Variants in SBSN observed in about 807,000 individuals in gnomAD.
SBSN encodes suprabasin.
Under a neutral mutation model 42.8 loss-of-function variants are expected in SBSN, and 33 were observed. The ratio of observed to expected loss-of-function variants is 0.77; its 90% CI spans 0.58 to 1.03. SBSN has a LOEUF of 1.03. SBSN is among the 50% of genes least tolerant of loss of function. The pLI, the probability that SBSN is intolerant of heterozygous loss-of-function variation, is 0.00. For synonymous variants in SBSN, 276 were observed against 307.0 expected, an observed-to-expected ratio of 0.90 and a Z score of 1.06; for missense variants, 646 against 757.3, an observed-to-expected ratio of 0.85 and a Z score of 1.72.
At chr19:35,523,819 C>T (rs1475559975) in intron 3 of SBSN, among the ~76,000 whole-genome samples, 1 of 152,196 alleles carries the variant, frequency 6.6e-6, no homozygotes, top group Non-Finnish European at 1.5e-5. Flanking sequence ...CAAGGGTGGG[C>T]CTTCCTCCTC....
intron 1 of SBSN, 60 bp from the exon 2 acceptor site, chr19:35,524,984 CT>C: frequency 6.3e-7 from 1 of 1,578,028 alleles, no homozygotes; most frequent in Non-Finnish European, 8.7e-7. Context: ...CTCCCAGTTC[CT>C]TTTCCCCAGG....
rs1442972816 is a variant in SBSN, at chr19:35,524,923, C to T, written c.1640G>A (p.Gly547Asp). 1.2e-6 allele frequency: 2 copies of T among 1,613,886 alleles called. No individual in the cohort carries two copies. Among genetic ancestry groups the T allele is most frequent in the African/African-American group, 1.3e-5 (1 of 74,996 alleles). ...ASKEANQLLN[G>D]NHQSGSSSHQ... ...GCTGGAAGATCCGCTTTGATGGTTG[C>T]CCTGTGGACAAAGCCCAGACTCTTG... The change falls in exon 2 of 4, where the codon GGC (glycine) becomes GAC (aspartate). Residue 547 changes from glycine (G) to aspartate (D), a missense_variant and splice_region_variant. Coordinates refer to ENST00000452271, the MANE Select transcript of SBSN (RefSeq NM_001166034.2).
rs565306654 is a variant in SBSN, at chr19:35,527,088, C to T, written c.1194G>A (p.Gly398=). ...QGVHHAASQV[G]KEEDRVVQGL... ...CTTGGACCACTCTGTCTTCCTCCTT[C>T]CCCACCTGCGAGGCAGCATGGTGGA... is the stretch of plus-strand genomic sequence containing the variant. Residue 398 remains glycine (G), a synonymous_variant, in exon 1 of 4, where the codon GGG becomes GGA. Transcript: ENST00000452271. 8.5e-6 allele frequency: 13 copies of T among 1,537,614 alleles called. No individual in the cohort carries two copies. The South Asian group carries it at 1.1e-4, about 13-fold the overall frequency.
At chr19:35,524,616 G>A (rs535154259) in intron 3 of SBSN, 95 bp downstream of exon 3, 37 of 1,372,360 alleles carry the variant, frequency 2.7e-5, no homozygotes, top group Admixed American at 9.0e-5. Flanking sequence ...AGGTCTGCCC[G>A]CCCGGGGAGC....
rs2071399987 is a variant in SBSN at position 35,527,841 on chromosome 19, A to T, written c.441T>A (p.Ser147Arg). ...GVHHGANQAG[S>R]EAGKFGQGVD... ...CTCCCTGGCCAAACTTCCCTGCCTC[A>T]CTTCCCGCCTGGTTGGCCCCGTGAT... The change falls in exon 1 of 4, where the codon AGT (serine) becomes AGA (arginine). Residue 147 changes from serine (S) to arginine (R), a missense_variant. Around this residue, in one of 3 missense-constraint regions of SBSN, gnomAD observed 190 missense variants for 197.1 expected, o/e 0.96. Transcript: ENST00000452271. The T allele has an allele frequency of 6.2e-7, 1 of 1,612,880 alleles. No individual in the cohort carries two copies. The highest frequency in any genetic ancestry group is 1.7e-5 in the Admixed American group (1 of 59,936).
At position 35,523,476 on chromosome 19, in the gene SBSN, C is replaced by T. The variant is rs1486027110; in HGVS notation, c.*34G>A. ...GTCATGTCAGCTGATGTGACAACGG[C>T]GACATTATTCTCCCAGCAAGGCCGG... On this transcript the variant is annotated 3_prime_UTR_variant, in exon 4 of 4. Coordinates refer to ENST00000452271, the MANE Select transcript of SBSN (RefSeq NM_001166034.2). 31 of 1,612,416 alleles carry T rather than the reference C, an allele frequency of 1.9e-5. No homozygotes were observed. The highest frequency in any genetic ancestry group is 2.5e-5 in the Non-Finnish European group (29 of 1,178,754).
chr19:35,527,696 CAGCA>C lies in SBSN; in HGVS notation c.582_585del (p.His194GlnfsTer245). On this transcript the variant is annotated frameshift_variant, in exon 1 of 4. Transcript: ENST00000452271. LOFTEE classifies it high-confidence loss of function. ...CCAGCCTCATTTCCGGCCTGCCCTG[CAGCA>C]TGGTGGACTCCCTGGCCAAACCTCC... is the stretch of plus-strand genomic sequence containing the variant. 6.6e-7 allele frequency: 1 copy of C among 1,516,442 alleles called. No homozygotes were observed. The highest frequency in any genetic ancestry group is 2.1e-5 in the Admixed American group (1 of 48,170). 93.9% of individuals were successfully genotyped at this position (1,516,442 alleles called of 1,614,324 possible). A position where few individuals can be genotyped will look rare whatever the true frequency, so the allele number is the denominator to read the frequency against.
chr19:35,526,328 C>G (rs938129757), intron 1 of SBSN, among the ~76,000 whole-genome samples: 3 of 152,142 alleles, frequency 2.0e-5, no homozygotes, highest in African/African-American at 7.2e-5. Context: ...TTCCCATTCC[C>G]CAGGAAGGGC....
Position 35,527,168 on chromosome 19 carries a change from C to A in SBSN, c.1114G>T (p.Val372Phe), listed in dbSNP as rs1242559384. 6.5e-7 allele frequency: 1 copy of A among 1,536,028 alleles called. No individual in the cohort carries two copies. Among genetic ancestry groups the A allele is most frequent in the South Asian group, 1.2e-5 (1 of 83,904 alleles). Residue 372 changes from valine to phenylalanine, a missense_variant, in exon 1 of 4, where the codon GTC becomes TTC. Physicochemically the swap from Val to Phe is conservative, Grantham distance 50. This residue lies in a region of SBSN where 220 missense variants were observed against 334.5 expected (regional missense o/e 0.66). Transcript: ENST00000452271. ...CAGGCCTCATTAACCCCATGGTGGA[C>A]CCCATGGCCGAGCTTCTCTGTTTCC... ...GKETEKLGHG[V>F]HHGVNEAWKE... is the part of the protein sequence containing the mutation.
At chr19:35,524,999 C>T (rs2146280353) in intron 1 of SBSN, 75 bp from the exon 2 acceptor site, 5 of 1,509,304 alleles carry the variant, frequency 3.3e-6, no homozygotes, top group East Asian at 2.4e-5. Flanking sequence ...CCCCAGGGAC[C>T]TGGTCCCCTC....
chr19:35,527,367 C>T lies in SBSN; in HGVS notation c.915G>A (p.Gly305=). 1 of 1,537,226 alleles carries T rather than the reference C, an allele frequency of 6.5e-7. No individual in the cohort carries two copies. The highest frequency in any genetic ancestry group is 8.7e-7 in the Non-Finnish European group (1 of 1,152,904). The change falls in exon 1 of 4, where the codon GGG becomes GGA. Residue 305 remains glycine (G), a synonymous_variant. Coordinates refer to ENST00000452271, the MANE Select transcript of SBSN (RefSeq NM_001166034.2). Reference sequence around the variant, plus strand: ...ATCTCCCTGCCTCATTTCCGGCCTGCCCCGCAGCATGGTGGGCCCCCTGGC... The same window carrying T: ...ATCTCCCTGCCTCATTTCCGGCCTGTCCCGCAGCATGGTGGGCCCCCTGGC... ...KFGQGAHHAA[G]QAGNEAGRFG...
At position 35,528,090 on chromosome 19, in the gene SBSN, T is replaced by C. The variant is rs2071404238; in HGVS notation, c.192A>G (p.Glu64=). Reference sequence around the variant, plus strand: ...TAAGTCCGTTGAAAACCTTCTCCACTTCCCTTCCGGCATGCGTGATTCCAC... The same window carrying C: ...TAAGTCCGTTGAAAACCTTCTCCACCTCCCTTCCGGCATGCGTGATTCCAC... ...INSGITHAGR[E]VEKVFNGLSN... Residue 64 remains glutamate, a synonymous_variant, in exon 1 of 4, where the codon GAA becomes GAG. Coordinates refer to ENST00000452271, the MANE Select transcript of SBSN (RefSeq NM_001166034.2). The C allele has an allele frequency of 1.2e-6, 2 of 1,613,890 alleles. No individual in the cohort carries two copies. The highest frequency in any genetic ancestry group is 2.2e-5 in the South Asian group (2 of 91,090).
chr19:35,523,587 A>ACC (rs1297163218), intron 3 of SBSN, 54 bp from the exon 4 acceptor site: 96 of 1,585,974 alleles, frequency 6.1e-5, no homozygotes, highest in Non-Finnish European at 7.7e-5. Flanking sequence ...TCATGACGGG[A>ACC]CCCGAGACCT....
chr19:35,524,616 G>GC (rs1222692737), intron 3 of SBSN, 95 bp downstream of exon 3: 19 of 1,372,244 alleles, frequency 1.4e-5, no homozygotes, highest in South Asian at 8.6e-5. Context: ...AGGTCTGCCC[G>GC]CCCGGGGAGC....
Position 35,527,022 on chromosome 19 carries a change from C to T in SBSN, c.1260G>A (p.Gly420=), listed in dbSNP as rs554628241. Residue 420 remains glycine, a synonymous_variant, in exon 1 of 4, where the codon GGG becomes GGA. Transcript: ENST00000452271. ...TGTGGTGAATGTCGTGGCCAAACTGCCCCGCCTCCCTTCCAGCCTGACTAA... is the reference window on the plus strand; with the variant it reads ...TGTGGTGAATGTCGTGGCCAAACTGTCCCGCCTCCCTTCCAGCCTGACTAA... ...HGVSQAGREA[G]QFGHDIHHTA... 5 of 1,543,304 alleles carry T rather than the reference C, an allele frequency of 3.2e-6. No homozygotes were observed. The South Asian group carries it at 5.9e-5, about 18-fold the overall frequency.
Position 35,528,127 on chromosome 19 carries a change from T to A in SBSN, c.155A>T (p.Asp52Val). Residue 52 changes from aspartate to valine, a missense_variant, in exon 1 of 4, where the codon GAT (aspartate) becomes GTT (valine). This residue lies in a region of SBSN where 190 missense variants were observed against 197.1 expected (regional missense o/e 0.96). Coordinates refer to ENST00000452271, the MANE Select transcript of SBSN (RefSeq NM_001166034.2). ...ATGCGTGATTCCACTGTTGATGCCA[T>A]CCAGGGCCTTGCCCACCTCTCTCTC... ...NAEREVGKAL[D>V]GINSGITHAG... The A allele has an allele frequency of 1.2e-6, 2 of 1,614,074 alleles. No individual in the cohort carries two copies. The highest frequency in any genetic ancestry group is 1.7e-6 in the Non-Finnish European group (2 of 1,180,018).
Position 35,526,802 on chromosome 19 carries a change from G to T in SBSN, c.1480C>A (p.Leu494Ile). Residue 494 changes from leucine to isoleucine, a missense_variant, in exon 1 of 4, where the codon CTT becomes ATT. Physicochemically the swap from Leu to Ile is conservative, Grantham distance 5. This residue lies in a region of SBSN where 236 missense variants were observed against 225.6 expected (regional missense o/e 1.05). Transcript: ENST00000452271. ...VHQAGKEAEK[L>I]GQGVNHAADQ... ...GCAGCATGGTTGACCCCTTGGCCAA[G>T]TTTCTCTGCTTCCTTCCCAGCCTGG... 1.2e-6 allele frequency: 2 copies of T among 1,607,380 alleles called. No individual in the cohort carries two copies. The highest frequency in any genetic ancestry group is 1.7e-6 in the Non-Finnish European group (2 of 1,177,422).
chr19:35,524,614 C>CCG, intron 3 of SBSN, 97 bp downstream of exon 3: 2 of 1,355,400 alleles, frequency 1.5e-6, no homozygotes, highest in South Asian at 2.5e-5. Context: ...GCAGGTCTGC[C>CCG]CGCCCGGGGA....
intron 1 of SBSN, among the ~76,000 whole-genome samples, chr19:35,525,637 G>A (rs2071362103): frequency 6.6e-6 from 1 of 152,082 alleles, no homozygotes; most frequent in Admixed American, 6.5e-5. Context: ...GTTGTGAGTG[G>A]TGCTATTTGC....
Sources: allele counts gnomAD v4.1 joint callset (sites outside exome capture counted in the v4.1 genomes callset), GRCh38; gene constraint gnomAD v4.1.1; regional missense constraint gnomAD v4.1.1; transcripts MANE v1.5; gene names NCBI Gene and HGNC (gene_info 2026-07-23, HGNC 2026-07-21).